Variants in ARL15 observed in about 807,000 individuals in gnomAD.
ARL15 encodes ADP-ribosylation factor-like protein 15.
Under a neutral mutation model 25.2 loss-of-function variants are expected in ARL15, and 19 were observed. The ratio of observed to expected loss-of-function variants is 0.75; its 90% CI spans 0.53 to 1.10. The LOEUF is 1.10. Ranked by LOEUF, ARL15 falls within the 50% of genes least tolerant of loss-of-function variation. ARL15 has a pLI of 0.00. For missense variants in ARL15, 220 were observed against 246.0 expected (o/e 0.89, Z 0.71); for synonymous variants, 94 against 86.8 (o/e 1.08, Z -0.46).
At chr5:54,244,697 G>A (rs1757041491) in intron 1 of ARL15, among the ~76,000 whole-genome samples, 1 of 151,886 alleles carries the variant, frequency 6.6e-6, no homozygotes, top group Admixed American at 6.6e-5. Context: ...AGTCCAAGGT[G>A]GACACTATCT....
intron 4 of ARL15, among the ~76,000 whole-genome samples, chr5:54,099,747 A>G (rs970431421): frequency 1.3e-5 from 2 of 152,134 alleles, no homozygotes; most frequent in South Asian, 2.1e-4. Flanking sequence ...AACTGTTAAT[A>G]ATGAGTAAGA....
chr5:53,944,428 C>T (rs562902634), intron 4 of ARL15, among the ~76,000 whole-genome samples: 81 of 152,000 alleles, frequency 5.3e-4, no homozygotes, highest in South Asian at 1.5e-3. Context: ...CTGGGCAACA[C>T]GGTGAAACTT....
At chr5:53,893,930 C>T (rs1214364371) in intron 4 of ARL15, among the ~76,000 whole-genome samples, 1 of 152,086 alleles carries the variant, frequency 6.6e-6, no homozygotes, top group African/African-American at 2.4e-5. Context: ...ATTTTGAAAT[C>T]CTTAGAAAGG....
At chr5:54,186,258 T>C (rs2112444982) in intron 1 of ARL15, among the ~76,000 whole-genome samples, 1 of 152,296 alleles carries the variant, frequency 6.6e-6, no homozygotes, top group East Asian at 1.9e-4. Context: ...GAGAAGCCAA[T>C]ACGGTGAGCA....
At chr5:54,085,660 T>C (rs1183761566) in intron 4 of ARL15, among the ~76,000 whole-genome samples, 1 of 152,206 alleles carries the variant, frequency 6.6e-6, no homozygotes, top group South Asian at 2.1e-4. Context: ...TATCAATATA[T>C]AAATTATTGC....
intron 3 of ARL15, among the ~76,000 whole-genome samples, chr5:54,119,316 T>C (rs1170986436): frequency 6.6e-6 from 1 of 152,152 alleles, no homozygotes; most frequent in Non-Finnish European, 1.5e-5. Context: ...TCCTCTCTCT[T>C]GCATGTTCTC....
At chr5:54,210,024 A>G (rs976373276) in intron 1 of ARL15, among the ~76,000 whole-genome samples, 7 of 152,226 alleles carry the variant, frequency 4.6e-5, no homozygotes, top group African/African-American at 1.7e-4. Flanking sequence ...AATGGTAGAA[A>G]TAACATTAAT....
intron 4 of ARL15, among the ~76,000 whole-genome samples, chr5:53,905,129 T>C (rs901694472): frequency 4.6e-5 from 7 of 152,142 alleles, no homozygotes; most frequent in Admixed American, 3.3e-4. Context: ...CAGTCACACT[T>C]TTCATCATGT....
At chr5:53,919,099 C>G (rs1425162367) in intron 4 of ARL15, among the ~76,000 whole-genome samples, 1 of 152,154 alleles carries the variant, frequency 6.6e-6, no homozygotes, top group African/African-American at 2.4e-5. Flanking sequence ...CATAACACCT[C>G]CCTATCAAGG....
At chr5:54,154,360 GA>G in intron 3 of ARL15, 1 of 407,600 alleles carries the variant, frequency 2.5e-6, no homozygotes, top group Admixed American at 4.7e-5. Flanking sequence ...GTAATTCTTT[GA>G]TTCATTCAAA....
At chr5:54,177,383 C>A (rs1754908416) in intron 1 of ARL15, among the ~76,000 whole-genome samples, 2 of 152,092 alleles carry the variant, frequency 1.3e-5, no homozygotes, top group Admixed American at 1.3e-4. Flanking sequence ...AAAGCAGAAG[C>A]AAACCCCTTA....
intron 3 of ARL15, among the ~76,000 whole-genome samples, chr5:54,114,406 G>GAAAAACAAAAAAA (rs1752833765): frequency 5.4e-5 from 4 of 74,474 alleles, no homozygotes; most frequent in Non-Finnish European, 9.1e-5. Context: ...TCCATCTCAA[G>GAAAAACAAAAAAA]AAAAAAAAAA....
At chr5:54,236,954 A>G (rs1307755830) in intron 1 of ARL15, among the ~76,000 whole-genome samples, 1 of 152,224 alleles carries the variant, frequency 6.6e-6, no homozygotes, top group Non-Finnish European at 1.5e-5. Context: ...GCCGTACGAC[A>G]TCATTGGAAC....
intron 1 of ARL15, among the ~76,000 whole-genome samples, chr5:54,207,315 T>C (rs1009994391): frequency 6.6e-6 from 1 of 152,174 alleles, no homozygotes; most frequent in Non-Finnish European, 1.5e-5. Flanking sequence ...AGAAGAGATA[T>C]TTTACTTCAC....
chr5:54,190,632 C>T (rs1382347569), intron 1 of ARL15, among the ~76,000 whole-genome samples: 1 of 152,130 alleles, frequency 6.6e-6, no homozygotes, highest in Non-Finnish European at 1.5e-5. Flanking sequence ...TTCCTGGAAG[C>T]ATTGGATAAA....
At chr5:53,999,896 AAAAAT>A (rs1433074216) in intron 4 of ARL15, among the ~76,000 whole-genome samples, 3 of 152,098 alleles carry the variant, frequency 2.0e-5, no homozygotes, top group African/African-American at 7.2e-5. Flanking sequence ...ACTCTGTCTC[AAAAAT>A]AAAATAAAAT....
intron 4 of ARL15, among the ~76,000 whole-genome samples, chr5:54,058,904 C>T (rs1417200926): frequency 6.6e-6 from 1 of 152,180 alleles, no homozygotes; most frequent in Non-Finnish European, 1.5e-5. Context: ...GAGACCATTG[C>T]TGTTGCACAT....
intron 1 of ARL15, among the ~76,000 whole-genome samples, chr5:54,236,180 C>T (rs1457570474): frequency 6.6e-6 from 1 of 152,170 alleles, no homozygotes; most frequent in Non-Finnish European, 1.5e-5. Flanking sequence ...GCTACTCCTT[C>T]CAACTGATAG....
intron 4 of ARL15, among the ~76,000 whole-genome samples, chr5:54,001,836 T>A (rs1265237427): frequency 6.6e-6 from 1 of 152,176 alleles, no homozygotes; most frequent in East Asian, 1.9e-4. Flanking sequence ...CAAAGGAAAA[T>A]AACTGAGGTC....
Sources: allele counts gnomAD v4.1 joint callset (sites outside exome capture counted in the v4.1 genomes callset), GRCh38; gene constraint gnomAD v4.1.1; transcripts MANE v1.5; gene names NCBI Gene and HGNC (gene_info 2026-07-23, HGNC 2026-07-21).